MTMR12: variants seen among roughly 807,000 people sequenced by gnomAD.
MTMR12 encodes myotubularin-related protein 12.
Under a neutral mutation model 96.7 loss-of-function variants are expected in MTMR12, and 33 were observed. That is an observed-to-expected ratio of 0.34 (90% confidence interval 0.26 to 0.46). MTMR12 has a LOEUF of 0.46. Among genes scored for constraint, MTMR12 ranks in the 20% least tolerant of loss-of-function variants. The pLI, the probability that MTMR12 is intolerant of heterozygous loss-of-function variation, is 1.00. For missense variants in MTMR12, 721 were observed against 896.1 expected (o/e 0.80, Z 2.49); for synonymous variants, 298 against 327.2 (o/e 0.91, Z 0.96).
intron 1 of MTMR12, among the ~76,000 whole-genome samples, chr5:32,303,228 T>C (rs1472080137): frequency 1.3e-5 from 2 of 152,242 alleles, no homozygotes; most frequent in Non-Finnish European, 2.9e-5. Context: ...AACATGGACA[T>C]ATCATTATTC....
intron 1 of MTMR12, among the ~76,000 whole-genome samples, chr5:32,300,586 C>T (rs1355572420): frequency 6.6e-6 from 1 of 152,158 alleles, no homozygotes; most frequent in Admixed American, 6.5e-5. Flanking sequence ...TCCCATACCC[C>T]CTCTCTGTCT....
At position 32,233,521 on chromosome 5, in the gene MTMR12, C is replaced by T. The variant is rs1581585748; in HGVS notation, c.1674+252G>A. On this transcript the variant is annotated intron_variant, in intron 15 of 15. Transcript: ENST00000382142. This position sits in a 1 kb window ranked among gnomAD's most constrained non-coding sequence, Gnocchi z 5.0. ...ACAGGCAGGACAAGAGGCACGATTC[C>T]ATGGAGTATGACCAGGGTGGCAGCA... Among the ~76,000 whole-genome samples the T allele has an allele frequency of 6.6e-6, 1 of 151,696 alleles. No individual in the cohort carries two copies. The highest frequency in any genetic ancestry group is 1.9e-4 in the East Asian group (1 of 5,172).
intron 1 of MTMR12, among the ~76,000 whole-genome samples, chr5:32,304,968 T>G (rs1380467292): frequency 6.6e-6 from 1 of 152,226 alleles, no homozygotes; most frequent in African/African-American, 2.4e-5. Flanking sequence ...AGACCTTTAA[T>G]GTCTTCTGAT....
In MTMR12 at chr5:32,238,937, G is replaced by A. The variant is rs1748347038; in HGVS notation, c.1344+64C>T. On this transcript the variant is annotated intron_variant, in intron 13 of 15. Coordinates refer to ENST00000382142, the MANE Select transcript of MTMR12 (RefSeq NM_001040446.3). ...GCAATCCTACTACATCTGATGACAGGTATTAAATAAGAGATTCAGTAGTTC... is the reference window on the plus strand; with the variant it reads ...GCAATCCTACTACATCTGATGACAGATATTAAATAAGAGATTCAGTAGTTC... 4 of 1,432,642 alleles carry A rather than the reference G, an allele frequency of 2.8e-6. No individual in the cohort carries two copies. The Admixed American group carries it at 9.8e-5, about 35-fold the overall frequency. 88.7% of individuals were successfully genotyped at this position (1,432,642 alleles called of 1,614,324 possible).
At chr5:32,232,911 G>C in intron 15 of MTMR12, 1 of 942,360 alleles carries the variant, frequency 1.1e-6, no homozygotes, top group South Asian at 4.9e-5. Flanking sequence ...AGATCAGGCA[G>C]GATAAGGATG....
intron 3 of MTMR12, among the ~76,000 whole-genome samples, chr5:32,273,046 T>C (rs1161580112): frequency 6.6e-6 from 1 of 152,164 alleles, no homozygotes; most frequent in Non-Finnish European, 1.5e-5. Context: ...CCTTACCTGA[T>C]TGCTCATTCT....
chr5:32,265,082 A>T (rs892952283), intron 6 of MTMR12, among the ~76,000 whole-genome samples: 2 of 152,226 alleles, frequency 1.3e-5, no homozygotes, highest in Non-Finnish European at 2.9e-5. Context: ...GCCATGTCAT[A>T]AACATTTAGG....
intron 7 of MTMR12, among the ~76,000 whole-genome samples, chr5:32,257,670 G>A (rs541015565): frequency 2.5e-4 from 38 of 152,180 alleles, no homozygotes; most frequent in Admixed American, 8.5e-4. Flanking sequence ...TCGAGAGGCT[G>A]AAGCAGAGGA....
intron 1 of MTMR12, among the ~76,000 whole-genome samples, chr5:32,300,959 C>G (rs1378950275): frequency 2.6e-5 from 4 of 152,100 alleles, no homozygotes; most frequent in African/African-American, 4.8e-5. Context: ...CCTGTAGTCC[C>G]AACTACTCAG....
intron 1 of MTMR12, among the ~76,000 whole-genome samples, chr5:32,286,725 A>G (rs1488466822): frequency 6.6e-6 from 1 of 152,212 alleles, no homozygotes; most frequent in Non-Finnish European, 1.5e-5. Context: ...CCAGGTTAAA[A>G]GAAATGGGTC....
In MTMR12 at chr5:32,267,377, G is replaced by GAAAAAAAAAA. The variant is rs751223074; in HGVS notation, c.583+1314_583+1323dup. 3.3e-3 allele frequency among the ~76,000 whole-genome samples: 293 copies of GAAAAAAAAAA among 89,878 alleles called. 5 individuals are homozygous for GAAAAAAAAAA. Among genetic ancestry groups the GAAAAAAAAAA allele is most frequent in the African/African-American group, 0.012 (256 of 21,994 alleles). The allele number at this position is 89,878 out of a possible 152,430, so 59.0% of individuals were successfully genotyped here. A position where few individuals can be genotyped will look rare whatever the true frequency, so the allele number is the denominator to read the frequency against. On this transcript the variant is annotated intron_variant, in intron 6 of 15. Transcript: ENST00000382142. ...GGCGACAGTGGGAGACTCCATCTCAGAAAAAAAAAAAAAAAAAAAGAGTAA... is the reference window on the plus strand; with the variant it reads ...GGCGACAGTGGGAGACTCCATCTCAGAAAAAAAAAAAAAAAAAAAAAAAAAAAAAGAGTAA...
intron 8 of MTMR12, among the ~76,000 whole-genome samples, chr5:32,254,619 G>C (rs1169889589): frequency 6.6e-6 from 1 of 151,872 alleles, no homozygotes; most frequent in Non-Finnish European, 1.5e-5. Context: ...GAGGCGGGTG[G>C]ATCACCTGAG....
At chr5:32,305,434 T>C (rs1222242172) in intron 1 of MTMR12, among the ~76,000 whole-genome samples, 1 of 152,186 alleles carries the variant, frequency 6.6e-6, no homozygotes, top group Non-Finnish European at 1.5e-5. Context: ...ACTTTGTTTT[T>C]AAAGTTATCT....
chr5:32,248,039 C>A lies in MTMR12; in HGVS notation c.984G>T (p.Gln328His). The change falls in exon 10 of 16, where the codon CAG (glutamine) becomes CAT (histidine). Residue 328 changes from glutamine (Q) to histidine (H), a missense_variant. Coordinates refer to ENST00000382142, the MANE Select transcript of MTMR12 (RefSeq NM_001040446.3). ...SSNFLSLQEI[Q>H]TAYSKFKQLF... ...GCTGTTTAAATTTAGAGTATGCAGTCTGGATTTCCTGCAGGGACAGGAAGT... is the reference window on the plus strand; with the variant it reads ...GCTGTTTAAATTTAGAGTATGCAGTATGGATTTCCTGCAGGGACAGGAAGT... 6.2e-7 allele frequency: 1 copy of A among 1,614,030 alleles called. No individual in the cohort carries two copies. Among genetic ancestry groups the A allele is most frequent in the Non-Finnish European group, 8.5e-7 (1 of 1,179,914 alleles).
rs1748503835 is a variant in MTMR12 at position 32,242,206 on chromosome 5, T to G, written c.1101-79A>C. ...CAAACACTACGTAGTTGAGAGAGAG[T>G]CTGACTTGATCTTCAGTCTTCTCTC... On this transcript the variant is annotated intron_variant, in intron 11 of 15. Transcript: ENST00000382142. 4.1e-6 allele frequency: 4 copies of G among 967,708 alleles called. No homozygotes were observed. The East Asian group carries it at 9.9e-5, about 24-fold the overall frequency. The allele number at this position is 967,708 out of a possible 1,614,324, so 59.9% of individuals were successfully genotyped here.
chr5:32,256,394 T>C (rs1749132152), intron 7 of MTMR12, among the ~76,000 whole-genome samples: 1 of 152,240 alleles, frequency 6.6e-6, no homozygotes, highest in Non-Finnish European at 1.5e-5. Context: ...ACTATTCTGC[T>C]AAGACTCTTC....
At chr5:32,237,364 C>G (rs1748280024) in intron 13 of MTMR12, among the ~76,000 whole-genome samples, 1 of 152,162 alleles carries the variant, frequency 6.6e-6, no homozygotes, top group South Asian at 2.1e-4. Flanking sequence ...ACCAGGTGAC[C>G]TAAAATGCTA....
chr5:32,287,861 A>G (rs1252675766), intron 1 of MTMR12, among the ~76,000 whole-genome samples: 1 of 152,138 alleles, frequency 6.6e-6, no homozygotes, highest in East Asian at 1.9e-4. Context: ...ACCTTTGACC[A>G]TATGTGGAGA....
intron 12 of MTMR12, among the ~76,000 whole-genome samples, chr5:32,240,721 C>T (rs150645480): frequency 6.6e-6 from 1 of 152,254 alleles, no homozygotes; most frequent in East Asian, 1.9e-4. Context: ...GTGCCTCAGC[C>T]TCCCGAGTAG....
Sources: allele counts gnomAD v4.1 joint callset (sites outside exome capture counted in the v4.1 genomes callset), GRCh38; gene constraint gnomAD v4.1.1; non-coding constraint Gnocchi (gnomAD v3.1); transcripts MANE v1.5; gene names NCBI Gene and HGNC (gene_info 2026-07-23, HGNC 2026-07-21).